CCDC106: variants seen among roughly 807,000 people sequenced by gnomAD.
CCDC106 encodes the protein coiled-coil domain-containing protein 106.
Under a neutral mutation model 24.7 loss-of-function variants are expected in CCDC106, and 17 were observed. That is an observed-to-expected ratio of 0.69 (90% CI 0.47 to 1.03). The LOEUF (loss-of-function observed/expected upper bound fraction) is 1.03, where lower values mean the gene tolerates loss of function less well. CCDC106 is among the 50% of genes least tolerant of loss of function. The pLI is 0.00. For missense variants in CCDC106, 337 were observed against 388.9 expected (o/e 0.87, Z 1.12); for synonymous variants, 211 against 161.3 (o/e 1.31, Z -2.34).
Position 55,652,837 on chromosome 19 carries a change from C to G in CCDC106, c.*91C>G. ...CCCTCTCCCCGCCGCGCCCCTGCCC[C>G]TCCTCCTCGCTCCCTGGGTTGGGGG... On this transcript the variant is annotated 3_prime_UTR_variant, in exon 5 of 5. Coordinates refer to ENST00000586790, the MANE Select transcript of CCDC106 (RefSeq NM_001370470.1). This position sits in a 1 kb window ranked among gnomAD's most constrained non-coding sequence, Gnocchi z 5.9. 1 of 1,103,258 alleles carries G rather than the reference C, an allele frequency of 9.1e-7. No homozygotes were observed. The highest frequency in any genetic ancestry group is 1.3e-6 in the Non-Finnish European group (1 of 780,664). The allele number at this position is 1,103,258 out of a possible 1,614,324, so 68.3% of individuals were successfully genotyped here.
chr19:55,649,431 G>T lies in CCDC106; in HGVS notation c.160G>T (p.Ala54Ser). ...AGAGCCTCCGGAGGCTGCGTCCTCC[G>T]CCCTGGCTCTGATGAACAGCGTCAA... ...FEEPPEAASS[A>S]LALMNSVKTQ... Residue 54 changes from alanine (A) to serine (S), a missense_variant, in exon 3 of 5, where the codon GCC (alanine) becomes TCC (serine). Physicochemically the swap from Ala to Ser is moderately conservative, Grantham distance 99. This residue lies in a region of CCDC106 where 234 missense variants were observed against 236.5 expected (regional missense o/e 0.99). Transcript: ENST00000586790. 2 of 1,614,016 alleles carry T rather than the reference G, an allele frequency of 1.2e-6. No individual in the cohort carries two copies. Among genetic ancestry groups the T allele is most frequent in the South Asian group, 1.1e-5 (1 of 91,086 alleles).
chr19:55,652,569 G>A lies in CCDC106; in HGVS notation c.666G>A (p.Leu222=). Residue 222 remains leucine (L), a synonymous_variant, in exon 5 of 5, where the codon CTG becomes CTA. Transcript: ENST00000586790. The surrounding 1 kb of genome is among the most constrained non-coding windows in gnomAD (Gnocchi z 5.9). ...TVALTTPIAE[L]LIVAPEKLAE... is the part of the protein sequence containing the mutation. The stretch of plus-strand genomic sequence containing the variant: ...CGCTGACCACGCCCATCGCCGAGCT[G>A]CTCATTGTGGCCCCCGAGAAGCTGG... The A allele has an allele frequency of 1.2e-6, 2 of 1,613,580 alleles. No individual in the cohort carries two copies. The highest frequency in any genetic ancestry group is 1.3e-5 in the African/African-American group (1 of 75,060).
chr19:55,648,803 G>C lies in CCDC106; in HGVS notation c.-244G>C, dbSNP rs1439243061. 1 of 582,368 alleles carries C rather than the reference G, an allele frequency of 1.7e-6. No homozygotes were observed. Among genetic ancestry groups the C allele is most frequent in the Non-Finnish European group, 3.1e-6 (1 of 326,596 alleles). 36.1% of individuals were successfully genotyped at this position (582,368 alleles called of 1,614,324 possible). ...CTTCTCCCCCAGGACCTAGGCGGCT[G>C]GGCCCCCTGCCCCTGACTCCAGGAG... On this transcript the variant is annotated 5_prime_UTR_variant, in exon 1 of 5. Transcript: ENST00000586790.
chr19:55,651,337 G>A lies in CCDC106; in HGVS notation c.368G>A (p.Gly123Asp). The change falls in exon 4 of 5, where the codon GGT becomes GAT. Residue 123 changes from glycine to aspartate, a missense_variant. Around this residue, in one of 2 missense-constraint regions of CCDC106, gnomAD observed 234 missense variants for 236.5 expected, o/e 0.99. Transcript: ENST00000586790. ...AGGCGGATGGAGGGGGACAGCCGTG[G>A]TGGGGCTGGGGGCGAGGCCTCGGAC... The part of the protein sequence containing the change: ...GPRRMEGDSR[G>D]GAGGEASDPE... The A allele has an allele frequency of 6.2e-7, 1 of 1,613,504 alleles. No homozygotes were observed. Among genetic ancestry groups the A allele is most frequent in the Non-Finnish European group, 8.5e-7 (1 of 1,179,902 alleles).
Position 55,648,244 on chromosome 19 carries a change from C to A in CCDC106, c.-803C>A, listed in dbSNP as rs1037865161. On this transcript the variant is annotated 5_prime_UTR_variant, in exon 1 of 5. Transcript: ENST00000586790. ...CCCCGGCGCCGGGCATGGGCGCCGC[C>A]GCCGTCGGTCCCCGAGCCGGATTCC... 6.6e-6 allele frequency: 1 copy of A among 152,156 alleles called. No individual in the cohort carries two copies. Among genetic ancestry groups the A allele is most frequent in the African/African-American group, 2.4e-5 (1 of 41,454 alleles). 9.4% of individuals were successfully genotyped at this position (152,156 alleles called of 1,614,324 possible).
intron 3 of CCDC106, among the ~76,000 whole-genome samples, chr19:55,650,417 C>T (rs1400008845): frequency 1.3e-5 from 2 of 152,200 alleles, no homozygotes; most frequent in Non-Finnish European, 2.9e-5. Flanking sequence ...GTTTGCCCGA[C>T]AGCCCATGGC....
rs901278303 is a variant in CCDC106, at chr19:55,651,628, C to T, written c.526+133C>T. Reference sequence around the variant, plus strand: ...GAAAGACCCACCGGGTTCTGTCTCTCCCTCCTCCACGTGTGGTCCTGGGTT... The same window carrying T: ...GAAAGACCCACCGGGTTCTGTCTCTTCCTCCTCCACGTGTGGTCCTGGGTT... On this transcript the variant is annotated intron_variant, in intron 4 of 4. Coordinates refer to ENST00000586790, the MANE Select transcript of CCDC106 (RefSeq NM_001370470.1). 15 of 639,206 alleles carry T rather than the reference C, an allele frequency of 2.3e-5. 1 individual carries two copies. In the East Asian group the frequency reaches 3.4e-4, roughly 14 times the overall value. The allele number at this position is 639,206 out of a possible 1,614,324, so 39.6% of individuals were successfully genotyped here. A position where few individuals can be genotyped will look rare whatever the true frequency, so the allele number is the denominator to read the frequency against.
At position 55,652,781 on chromosome 19, in the gene CCDC106, C is replaced by T. The variant is rs200908640; in HGVS notation, c.*35C>T. 1.1e-3 allele frequency: 1,698 copies of T among 1,560,174 alleles called. 2 individuals carry two copies. The highest frequency in any genetic ancestry group is 9.4e-4 in the Non-Finnish European group (1,084 of 1,147,828). On this transcript the variant is annotated 3_prime_UTR_variant, in exon 5 of 5. Coordinates refer to ENST00000586790, the MANE Select transcript of CCDC106 (RefSeq NM_001370470.1). This position sits in a 1 kb window ranked among gnomAD's most constrained non-coding sequence, Gnocchi z 5.9. ...GCCTCCGCGCCTCCACCCGGGCCTT[C>T]CTCCCCCGTGGACCCCGGTGGATGA... is the stretch of plus-strand genomic sequence containing the variant.
chr19:55,649,769 A>T, intron 3 of CCDC106, 185 bp downstream of exon 3: 1 of 607,416 alleles, frequency 1.6e-6, no homozygotes, highest in Non-Finnish European at 2.9e-6. Flanking sequence ...CCAGGGCCTC[A>T]TCCCCATGAA....
In CCDC106 at chr19:55,653,079, G is replaced by A. The variant is rs1223333090; in HGVS notation, c.*333G>A. On this transcript the variant is annotated 3_prime_UTR_variant, in exon 5 of 5. Transcript: ENST00000586790. Reference sequence around the variant, plus strand: ...CGGAGGAGCTGCCCACCTGATTCCCGGACAGACCTCCCCAACTCCGCGTGA... The same window carrying A: ...CGGAGGAGCTGCCCACCTGATTCCCAGACAGACCTCCCCAACTCCGCGTGA... The A allele has an allele frequency of 7.0e-6, 2 of 284,548 alleles. No homozygotes were observed. The highest frequency in any genetic ancestry group is 1.3e-5 in the Non-Finnish European group (2 of 151,890). The allele number at this position is 284,548 out of a possible 1,614,324, so 17.6% of individuals were successfully genotyped here.
Position 55,648,806 on chromosome 19 carries a change from C to A in CCDC106, c.-241C>A. The stretch of plus-strand genomic sequence containing the variant: ...CTCCCCCAGGACCTAGGCGGCTGGG[C>A]CCCCTGCCCCTGACTCCAGGAGCCC... On this transcript the variant is annotated 5_prime_UTR_variant, in exon 1 of 5. Transcript: ENST00000586790. The A allele has an allele frequency of 1.7e-6, 1 of 582,804 alleles. No individual in the cohort carries two copies. Among genetic ancestry groups the A allele is most frequent in the Non-Finnish European group, 3.1e-6 (1 of 326,734 alleles). The allele number at this position is 582,804 out of a possible 1,614,324, so 36.1% of individuals were successfully genotyped here. A position where few individuals can be genotyped will look rare whatever the true frequency, so the allele number is the denominator to read the frequency against.
In CCDC106 at chr19:55,652,330, G is replaced by T. The variant is rs1294009774; in HGVS notation, c.527-100G>T. On this transcript the variant is annotated intron_variant, in intron 4 of 4. Coordinates refer to ENST00000586790, the MANE Select transcript of CCDC106 (RefSeq NM_001370470.1). This position sits in a 1 kb window ranked among gnomAD's most constrained non-coding sequence, Gnocchi z 5.9. ...CCTGCACCGGCCCGTGCCTCTGCTCGCCGAGATCCTTTCTTCCCATGGCCG... is the reference window on the plus strand; with the variant it reads ...CCTGCACCGGCCCGTGCCTCTGCTCTCCGAGATCCTTTCTTCCCATGGCCG... 7.5e-6 allele frequency: 8 copies of T among 1,065,386 alleles called. No individual in the cohort carries two copies. Among genetic ancestry groups the T allele is most frequent in the Non-Finnish European group, 1.1e-5 (8 of 731,098 alleles). 66.0% of individuals were successfully genotyped at this position (1,065,386 alleles called of 1,614,324 possible). A position where few individuals can be genotyped will look rare whatever the true frequency, so the allele number is the denominator to read the frequency against.
intron 4 of CCDC106, among the ~76,000 whole-genome samples, 180 bp downstream of exon 4, chr19:55,651,675 C>CG (rs971065024): frequency 5.3e-5 from 8 of 150,136 alleles, no homozygotes; most frequent in Non-Finnish European, 8.9e-5. Context: ...TTTTTTTTGG[C>CG]GGGGGGGACG....
rs1470186709 is a variant in CCDC106, at chr19:55,649,078, G to T, written c.31+1G>T. ...GACCGGAGCAGTCGGAGGCGGACAA[G>T]TGAGGAAGCTGGGTCCCCTTCCCTA... On this transcript the variant is annotated splice_donor_variant, in intron 1 of 4. Transcript: ENST00000586790. LOFTEE classifies it high-confidence loss of function. 25 of 1,613,884 alleles carry T rather than the reference G, an allele frequency of 1.5e-5. 1 individual carries two copies. Among genetic ancestry groups the T allele is most frequent in the Non-Finnish European group, 2.0e-5 (24 of 1,180,012 alleles).
rs1422852657 is a variant in CCDC106, at chr19:55,651,384, C to G, written c.415C>G (p.Leu139Val). The change falls in exon 4 of 5, where the codon CTC (leucine) becomes GTC (valine). Residue 139 changes from leucine to valine, a missense_variant. By Grantham distance (32) the Leu-to-Val change is conservative. Around this residue, in one of 2 missense-constraint regions of CCDC106, gnomAD observed 234 missense variants for 236.5 expected, o/e 0.99. Transcript: ENST00000586790. ...ASDPESAASS[L>V]SGASEEGSAS... ...GGACCCTGAGTCAGCAGCCTCCTCC[C>G]TCAGCGGAGCGTCCGAAGAAGGCAG... 1.9e-6 allele frequency: 3 copies of G among 1,612,004 alleles called. No individual in the cohort carries two copies. The Admixed American group carries it at 5.0e-5, about 27-fold the overall frequency.
At chr19:55,651,172 G>T in intron 3 of CCDC106, 111 bp from the exon 4 acceptor site, 1 of 832,864 alleles carries the variant, frequency 1.2e-6, no homozygotes, top group Non-Finnish European at 2.1e-6. Flanking sequence ...CTCTTTAGGG[G>T]ACCAGCCCAG....
At chr19:55,650,291 C>T (rs1983155274) in intron 3 of CCDC106, among the ~76,000 whole-genome samples, 1 of 152,228 alleles carries the variant, frequency 6.6e-6, no homozygotes, top group Admixed American at 6.5e-5. Context: ...GCTCCCACAG[C>T]AGCACCCAGC....
chr19:55,651,211 CCT>C, intron 3 of CCDC106, 70 bp from the exon 4 acceptor site: 2 of 1,184,466 alleles, frequency 1.7e-6, no homozygotes, highest in Middle Eastern at 2.0e-4. Context: ...GGGACTGCAG[CCT>C]CTCTCAGTCC....
upstream of CCDC106, among the ~76,000 whole-genome samples, chr19:55,647,686 C>T (rs1982952527): frequency 6.6e-6 from 1 of 152,182 alleles, no homozygotes; most frequent in African/African-American, 2.4e-5. Flanking sequence ...GTGTTCCTGG[C>T]CCTCATTTTC....
Sources: gnomAD v4.1 joint callset for allele counts (sites outside exome capture counted in the v4.1 genomes callset) on GRCh38, gnomAD v4.1.1 for gene constraint, gnomAD v4.1.1 regional missense constraint, Gnocchi (gnomAD v3.1) non-coding constraint, MANE v1.5 for transcripts, NCBI Gene and HGNC (gene_info 2026-07-23, HGNC 2026-07-21) for gene names.